The following RERE variants were observed in gnomAD, a reference collection of about 807,000 sequenced individuals.
RERE encodes arginine-glutamic acid dipeptide repeats, also known as arginine-glutamic acid dipeptide repeats protein.
RERE carries 40 observed loss-of-function variants against 146.1 expected under a neutral mutation model. The ratio of observed to expected loss-of-function variants is 0.27; its 90% CI spans 0.21 to 0.36. The LOEUF (loss-of-function observed/expected upper bound fraction) is 0.36, where lower values mean the gene tolerates loss of function less well. Ranked by LOEUF, RERE falls within the 10% of genes least tolerant of loss-of-function variation. The pLI, the probability that RERE is intolerant of heterozygous loss-of-function variation, is 1.00. For synonymous variants in RERE, 1,003 were observed against 866.0 expected (o/e 1.16, Z -2.78); for missense variants, 1,933 against 2,138.7 (o/e 0.90, Z 1.90).
intron 12 of RERE, among the ~76,000 whole-genome samples, chr1:8,416,314 G>A (rs796468580): frequency 8.4e-4 from 128 of 152,238 alleles, no homozygotes; most frequent in Admixed American, 2.9e-3. Context: ...GGTCAGGCGC[G>A]GTGGCTCACA....
chr1:8,530,715 C>T lies in RERE; in HGVS notation c.830+10499G>A, dbSNP rs550532645. On this transcript the variant is annotated intron_variant, in intron 7 of 22. Transcript: ENST00000400908. The stretch of plus-strand genomic sequence containing the variant: ...TTTTTTTTTTTTTGAGACGGAGTCT[C>T]GCTCTGTCGCCCAGGCCGGACTGCG... Among the ~76,000 whole-genome samples, 334 of 120,960 alleles carry T rather than the reference C, an allele frequency of 2.8e-3. 2 individuals are homozygous for T. Among genetic ancestry groups the T allele is most frequent in the African/African-American group, 0.01 (318 of 30,754 alleles). 79.4% of individuals were successfully genotyped at this position (120,960 alleles called of 152,430 possible). A position where few individuals can be genotyped will look rare whatever the true frequency, so the allele number is the denominator to read the frequency against.
chr1:8,627,250 T>C (rs150879027), intron 2 of RERE, among the ~76,000 whole-genome samples: 3 of 152,250 alleles, frequency 2.0e-5, no homozygotes, highest in Admixed American at 6.5e-5. Context: ...CCACTAACAA[T>C]TACTATCAAT....
intron 2 of RERE, among the ~76,000 whole-genome samples, chr1:8,631,695 T>TCC (rs1647037260): frequency 2.6e-5 from 4 of 152,194 alleles, no homozygotes; most frequent in Admixed American, 6.5e-5. Flanking sequence ...GTCAGCTGTG[T>TCC]TGGTTGAGTC....
At chr1:8,613,188 G>A (rs1053315615) in intron 4 of RERE, among the ~76,000 whole-genome samples, 2 of 152,138 alleles carry the variant, frequency 1.3e-5, no homozygotes, top group African/African-American at 2.4e-5. Flanking sequence ...TTAAGCAGTG[G>A]CCTGCAAGAT....
At chr1:8,416,088 T>C (rs1198747963) in intron 12 of RERE, among the ~76,000 whole-genome samples, 1 of 152,204 alleles carries the variant, frequency 6.6e-6, no homozygotes, top group African/African-American at 2.4e-5. Flanking sequence ...TTTATGACTA[T>C]GTAAACTTCA....
At chr1:8,773,142 T>C (rs948154063) in intron 1 of RERE, among the ~76,000 whole-genome samples, 1 of 151,996 alleles carries the variant, frequency 6.6e-6, no homozygotes, top group Non-Finnish European at 1.5e-5. Flanking sequence ...TAATACAATA[T>C]CAACTAAACT....
chr1:8,719,824 C>T (rs1048187388), intron 1 of RERE, among the ~76,000 whole-genome samples: 2 of 152,142 alleles, frequency 1.3e-5, no homozygotes, highest in African/African-American at 4.8e-5. Flanking sequence ...TTACTGTCAC[C>T]TCTCTACCCT....
At chr1:8,553,117 CCA>C (rs1270563931) in intron 6 of RERE, among the ~76,000 whole-genome samples, 1 of 150,720 alleles carries the variant, frequency 6.6e-6, no homozygotes, top group Non-Finnish European at 1.5e-5. Context: ...GCCAGTACAT[CCA>C]CAAACAATCG....
chr1:8,459,752 A>G (rs1030095158), intron 11 of RERE, among the ~76,000 whole-genome samples: 1 of 152,156 alleles, frequency 6.6e-6, no homozygotes, highest in South Asian at 2.1e-4. Context: ...AATTCCCTTT[A>G]ATGATTTTAG....
Position 8,493,452 on chromosome 1 carries a change from T to C in RERE, c.1104+1611A>G, listed in dbSNP as rs544623580. Among the ~76,000 whole-genome samples, 10 of 152,236 alleles carry C rather than the reference T, an allele frequency of 6.6e-5. No homozygotes were observed. The East Asian group carries it at 1.9e-3, about 29-fold the overall frequency. On this transcript the variant is annotated intron_variant, in intron 10 of 22. Transcript: ENST00000400908. ...AATGGCATATCCCTAGCAAAACCAC[T>C]CAAATGTTATATCATACTCAAGAAA... is the stretch of plus-strand genomic sequence containing the variant.
At chr1:8,803,181 A>G (rs1641618611) in intron 1 of RERE, among the ~76,000 whole-genome samples, 1 of 152,218 alleles carries the variant, frequency 6.6e-6, no homozygotes, top group Non-Finnish European at 1.5e-5. Context: ...AGCTGTGAAA[A>G]GAAGTCACTG....
rs374813758 is a variant in RERE, at chr1:8,358,900, G to A, written c.3635C>T (p.Ala1212Val). The part of the protein sequence containing the change: ...AERAAKASSS[A>V]HEGRLSDPQL... ...TGGGTCACTGAGGCGACCTTCATGCGCTGAGCTGGACGCCTTCTGCAGAAG... is the reference window on the plus strand; with the variant it reads ...TGGGTCACTGAGGCGACCTTCATGCACTGAGCTGGACGCCTTCTGCAGAAG... Residue 1212 changes from alanine (A) to valine (V), a missense_variant, in exon 20 of 23, where the codon GCG becomes GTG. This residue lies in a region of RERE where 1,255 missense variants were observed against 1,153.8 expected (regional missense o/e 1.09). Coordinates refer to ENST00000400908, the MANE Select transcript of RERE (RefSeq NM_001042681.2). The A allele has an allele frequency of 4.1e-5, 64 of 1,543,812 alleles. No homozygotes were observed. Among genetic ancestry groups the A allele is most frequent in the Middle Eastern group, 1.8e-4 (1 of 5,610 alleles).
At chr1:8,635,200 A>G (rs1647082457) in intron 2 of RERE, among the ~76,000 whole-genome samples, 1 of 152,124 alleles carries the variant, frequency 6.6e-6, no homozygotes, top group African/African-American at 2.4e-5. Context: ...CCACCTACAC[A>G]GTAATTTCCA....
intron 2 of RERE, among the ~76,000 whole-genome samples, chr1:8,644,633 T>G (rs558059385): frequency 3.0e-4 from 45 of 152,326 alleles, no homozygotes; most frequent in South Asian, 6.2e-4. Flanking sequence ...CATTAGCCTA[T>G]GTATTCTTGA....
chr1:8,575,137 T>A (rs1055733824), intron 4 of RERE, among the ~76,000 whole-genome samples: 1 of 152,128 alleles, frequency 6.6e-6, no homozygotes, highest in African/African-American at 2.4e-5. Context: ...TCAAAGAATG[T>A]GAAAGACACG....
At chr1:8,633,586 G>C (rs1191231967) in intron 2 of RERE, among the ~76,000 whole-genome samples, 2 of 152,000 alleles carry the variant, frequency 1.3e-5, no homozygotes, top group African/African-American at 4.8e-5. Context: ...ACACAGCTGT[G>C]TAAGACATGC....
intron 1 of RERE, chr1:8,750,936 A>T (rs920400012): frequency 7.0e-5 from 53 of 756,306 alleles, no homozygotes; most frequent in Non-Finnish European, 9.9e-5. Context: ...GCTTTGACAG[A>T]TAACGCTTTG....
intron 4 of RERE, among the ~76,000 whole-genome samples, chr1:8,591,205 G>C (rs1009149514): frequency 3.3e-5 from 5 of 152,108 alleles, no homozygotes; most frequent in African/African-American, 1.2e-4. Context: ...CAAACCACCT[G>C]AGCTGCCAGA....
chr1:8,642,407 T>C (rs1354135694), intron 2 of RERE, among the ~76,000 whole-genome samples: 1 of 152,212 alleles, frequency 6.6e-6, no homozygotes, highest in African/African-American at 2.4e-5. Flanking sequence ...GTGGTCAAGA[T>C]GAAACCTAAG....
Sources: gnomAD v4.1 joint callset for allele counts (sites outside exome capture counted in the v4.1 genomes callset) on GRCh38, gnomAD v4.1.1 for gene constraint, gnomAD v4.1.1 regional missense constraint, MANE v1.5 for transcripts, NCBI Gene and HGNC (gene_info 2026-07-23, HGNC 2026-07-21) for gene names.